CLVS1: variants seen among roughly 807,000 people sequenced by gnomAD.
CLVS1 encodes clavesin 1, also known as clavesin-1.
A neutral mutation model predicts 33.1 loss-of-function variants in CLVS1; 10 were observed. That is an observed-to-expected ratio of 0.30 (90% CI 0.19 to 0.51). CLVS1 has a LOEUF of 0.51. Ranked by LOEUF, CLVS1 falls within the 20% of genes least tolerant of loss-of-function variation. The probability of loss-of-function intolerance (pLI) is 0.97; values close to 1 mark genes in which losing one functional copy is unlikely to be tolerated. For synonymous variants in CLVS1, 163 were observed against 166.1 expected (o/e 0.98, Z 0.14); for missense variants, 343 against 433.4 (o/e 0.79, Z 1.85).
At chr8:61,247,776 G>C (rs1037660208) in intron 2 of CLVS1, among the ~76,000 whole-genome samples, 1 of 152,168 alleles carries the variant, frequency 6.6e-6, no homozygotes, top group African/African-American at 2.4e-5. Flanking sequence ...CTGTGCAGAA[G>C]TTCTTAAGTT....
chr8:60,966,975 A>G, the CLVS1 span, among the ~76,000 whole-genome samples: 1 of 152,198 alleles, frequency 6.6e-6, no homozygotes, highest in Non-Finnish European at 1.5e-5. Flanking sequence ...ACATGCCATG[A>G]ACTGAAGAAA....
intron 2 of CLVS1, among the ~76,000 whole-genome samples, chr8:61,369,700 C>T (rs953756510): frequency 6.6e-6 from 1 of 152,176 alleles, no homozygotes; most frequent in Non-Finnish European, 1.5e-5. Context: ...GTGTAAGAAA[C>T]AGGAAATTGT....
intron 2 of CLVS1, among the ~76,000 whole-genome samples, chr8:61,356,652 C>T (rs897652659): frequency 2.0e-5 from 3 of 152,124 alleles, no homozygotes; most frequent in Non-Finnish European, 4.4e-5. Context: ...GTTTTCCCAG[C>T]ACCATTTATT....
chr8:61,160,784 C>T (rs2129296573), intron 2 of CLVS1, among the ~76,000 whole-genome samples: 1 of 152,276 alleles, frequency 6.6e-6, no homozygotes, highest in East Asian at 1.9e-4. Flanking sequence ...TTTATCCAGG[C>T]TTCTCTGAGT....
the CLVS1 span, among the ~76,000 whole-genome samples, chr8:60,984,168 T>C: frequency 1.3e-5 from 2 of 152,204 alleles, no homozygotes; most frequent in Non-Finnish European, 2.9e-5. Flanking sequence ...CTAGGATATC[T>C]TTCTCATTCC....
the CLVS1 span, among the ~76,000 whole-genome samples, chr8:61,019,147 T>C: frequency 2.9e-4 from 44 of 152,360 alleles, no homozygotes; most frequent in African/African-American, 9.1e-4. Context: ...ACTTGGCCTG[T>C]GCCCTATTTT....
At chr8:61,271,003 T>C (rs372089763) in intron 2 of CLVS1, among the ~76,000 whole-genome samples, 1 of 149,870 alleles carries the variant, frequency 6.7e-6, no homozygotes. Context: ...GTTTTTTGTG[T>C]CTCTATTTCC....
At chr8:61,193,011 T>C (rs1563439371) in intron 2 of CLVS1, among the ~76,000 whole-genome samples, 2 of 152,124 alleles carry the variant, frequency 1.3e-5, no homozygotes, top group South Asian at 2.1e-4. Flanking sequence ...CCAGCCATCC[T>C]ATTACTGGGT....
At chr8:61,071,908 A>G (rs1328885032) in intron 1 of CLVS1, among the ~76,000 whole-genome samples, 1 of 152,182 alleles carries the variant, frequency 6.6e-6, no homozygotes, top group Non-Finnish European at 1.5e-5. Context: ...GCTTTTGTTT[A>G]ATTTCACACA....
At chr8:61,185,652 A>G (rs1322046828) in intron 2 of CLVS1, among the ~76,000 whole-genome samples, 1 of 152,158 alleles carries the variant, frequency 6.6e-6, no homozygotes, top group Admixed American at 6.6e-5. Flanking sequence ...ACACATTAGA[A>G]CAAAGCATAT....
rs541883776 is a variant in CLVS1, at chr8:61,398,283, G to T, written c.630+21504G>T. The stretch of plus-strand genomic sequence containing the variant: ...TGCAGCCTTGACTTCCCAGGTTCCA[G>T]CAAGCCTTCCACCTCAGCCTCCCAA... On this transcript the variant is annotated intron_variant, in intron 3 of 5. Coordinates refer to ENST00000325897, the MANE Select transcript of CLVS1 (RefSeq NM_173519.3). 6.0e-5 allele frequency among the ~76,000 whole-genome samples: 9 copies of T among 150,694 alleles called. No individual in the cohort carries two copies. The South Asian group carries it at 1.9e-3, about 32-fold the overall frequency.
At chr8:61,496,818 C>T (rs1158184168) in intron 5 of CLVS1, among the ~76,000 whole-genome samples, 2 of 152,152 alleles carry the variant, frequency 1.3e-5, no homozygotes, top group Admixed American at 6.6e-5. Flanking sequence ...AAGGAACACT[C>T]GATGTTTTAG....
chr8:61,308,476 G>A (rs1271093646), intron 2 of CLVS1, among the ~76,000 whole-genome samples: 1 of 152,176 alleles, frequency 6.6e-6, no homozygotes, highest in Non-Finnish European at 1.5e-5. Flanking sequence ...CATGAGTCAC[G>A]GTGGAGGGGA....
chr8:60,977,738 A>G, the CLVS1 span, among the ~76,000 whole-genome samples: 1 of 152,246 alleles, frequency 6.6e-6, no homozygotes, highest in Non-Finnish European at 1.5e-5. Flanking sequence ...TAGAAGAAAG[A>G]AATATTTGAA....
chr8:61,425,759 C>T (rs1177345071), intron 3 of CLVS1, among the ~76,000 whole-genome samples: 1 of 152,140 alleles, frequency 6.6e-6, no homozygotes, highest in African/African-American at 2.4e-5. Flanking sequence ...TACTCATTAG[C>T]TCTACAAATA....
chr8:61,212,071 G>C (rs1325683905), intron 2 of CLVS1, among the ~76,000 whole-genome samples: 1 of 152,214 alleles, frequency 6.6e-6, no homozygotes, highest in African/African-American at 2.4e-5. Context: ...CCCACCCCCA[G>C]AACAGGAGAT....
chr8:61,068,796 C>T (rs1232980489), intron 1 of CLVS1, among the ~76,000 whole-genome samples: 1 of 152,188 alleles, frequency 6.6e-6, no homozygotes, highest in Non-Finnish European at 1.5e-5. Flanking sequence ...CTTCCTTCAT[C>T]TGCTCCCCAC....
chr8:61,343,409 T>C (rs1382231830), intron 2 of CLVS1, among the ~76,000 whole-genome samples: 1 of 152,172 alleles, frequency 6.6e-6, no homozygotes, highest in Non-Finnish European at 1.5e-5. Flanking sequence ...GAAAGATCAG[T>C]CATTTAAAAA....
intron 2 of CLVS1, among the ~76,000 whole-genome samples, chr8:61,209,162 G>C (rs553516760): frequency 2.6e-5 from 4 of 152,222 alleles, no homozygotes; most frequent in African/African-American, 9.6e-5. Context: ...TTTCAAAGTA[G>C]GAAAAACTAG....
Sources: allele counts gnomAD v4.1 joint callset (sites outside exome capture counted in the v4.1 genomes callset), GRCh38; gene constraint gnomAD v4.1.1; transcripts MANE v1.5; gene names NCBI Gene and HGNC (gene_info 2026-07-23, HGNC 2026-07-21).